Variants in ENOX1 observed in about 807,000 individuals in gnomAD.
ENOX1 encodes ecto-NOX disulfide-thiol exchanger 1.
In ENOX1, 42 loss-of-function variants were observed where a neutral mutation model predicts 82.5. The observed-to-expected ratio is 0.51, with a 90% CI of 0.40 to 0.66. The LOEUF (loss-of-function observed/expected upper bound fraction) is 0.66. Ranked by LOEUF, ENOX1 falls within the 30% of genes least tolerant of loss-of-function variation. ENOX1 has a pLI of 0.00. For synonymous variants in ENOX1, 271 were observed against 282.2 expected (o/e 0.96, Z 0.40); for missense variants, 608 against 811.6 (o/e 0.75, Z 3.05).
intron 2 of ENOX1, among the ~76,000 whole-genome samples, chr13:43,589,216 G>A (rs1365890270): frequency 1.9e-4 from 15 of 79,770 alleles, no homozygotes; most frequent in Admixed American, 4.6e-4. Context: ...GACATTAATG[G>A]AAAAAAAAAA....
chr13:43,332,655 C>G (rs2048473227), intron 9 of ENOX1, among the ~76,000 whole-genome samples: 1 of 152,172 alleles, frequency 6.6e-6, no homozygotes, highest in Non-Finnish European at 1.5e-5. Flanking sequence ...ATTTGCATCA[C>G]TCCAAGTATA....
intron 1 of ENOX1, among the ~76,000 whole-genome samples, chr13:43,679,950 A>C (rs527817932): frequency 1.6e-4 from 24 of 152,300 alleles, no homozygotes; most frequent in African/African-American, 5.5e-4. Context: ...TGACCTTTTT[A>C]TTTTCCTTGT....
At chr13:43,754,648 A>C (rs964618252) in intron 1 of ENOX1, among the ~76,000 whole-genome samples, 1 of 151,970 alleles carries the variant, frequency 6.6e-6, no homozygotes, top group Admixed American at 6.6e-5. Context: ...GCAGTGGCAC[A>C]ATCATAGCCC....
chr13:43,263,898 G>A (rs753178641), intron 14 of ENOX1, among the ~76,000 whole-genome samples: 1 of 152,176 alleles, frequency 6.6e-6, no homozygotes, highest in Non-Finnish European at 1.5e-5. Flanking sequence ...TGCTGAAGAA[G>A]GGTTTTAGGG....
At chr13:43,653,381 G>C (rs1312247886) in intron 2 of ENOX1, among the ~76,000 whole-genome samples, 1 of 152,210 alleles carries the variant, frequency 6.6e-6, no homozygotes, top group Non-Finnish European at 1.5e-5. Flanking sequence ...TCCTGGTTGA[G>C]AGTGTACTAC....
intron 2 of ENOX1, among the ~76,000 whole-genome samples, chr13:43,493,768 A>G (rs904359848): frequency 2.6e-5 from 4 of 152,208 alleles, no homozygotes; most frequent in African/African-American, 9.6e-5. Flanking sequence ...TGCCTACTGA[A>G]GCACTGAGAA....
At chr13:43,306,283 T>C (rs1228342852) in intron 11 of ENOX1, among the ~76,000 whole-genome samples, 1 of 152,222 alleles carries the variant, frequency 6.6e-6, no homozygotes, top group Non-Finnish European at 1.5e-5. Flanking sequence ...TGCTTCCTAC[T>C]GAGCCCCAAG....
intron 1 of ENOX1, among the ~76,000 whole-genome samples, chr13:43,775,330 C>T (rs981718969): frequency 3.9e-5 from 6 of 152,034 alleles, no homozygotes; most frequent in African/African-American, 1.5e-4. Context: ...TTTGTAGAGA[C>T]AGGGTCTCAC....
chr13:43,625,574 T>C (rs1302720178), intron 2 of ENOX1, among the ~76,000 whole-genome samples: 1 of 152,034 alleles, frequency 6.6e-6, no homozygotes, highest in African/African-American at 2.4e-5. Flanking sequence ...TTTAATCAAA[T>C]GATTTTTCTG....
chr13:43,439,199 G>A (rs898608586), intron 3 of ENOX1, among the ~76,000 whole-genome samples: 2 of 150,838 alleles, frequency 1.3e-5, no homozygotes, highest in Admixed American at 6.6e-5. Context: ...ACAGGCACCC[G>A]TGGGTCACAC....
At chr13:43,587,572 C>A (rs943551405) in intron 2 of ENOX1, among the ~76,000 whole-genome samples, 1 of 152,150 alleles carries the variant, frequency 6.6e-6, no homozygotes, top group African/African-American at 2.4e-5. Context: ...CAATTCCAAT[C>A]TTTATGATGG....
chr13:43,529,575 G>C (rs986399421), intron 2 of ENOX1, among the ~76,000 whole-genome samples: 7 of 152,080 alleles, frequency 4.6e-5, no homozygotes, highest in African/African-American at 1.7e-4. Flanking sequence ...AACTGCAAAA[G>C]TTATGGCCTC....
chr13:43,729,366 T>C (rs922983964), intron 1 of ENOX1, among the ~76,000 whole-genome samples: 1 of 152,174 alleles, frequency 6.6e-6, no homozygotes, highest in Non-Finnish European at 1.5e-5. Context: ...GGTAAACGTG[T>C]CTCTTGTATT....
At chr13:43,441,823 T>A (rs1295301754) in intron 3 of ENOX1, among the ~76,000 whole-genome samples, 1 of 148,780 alleles carries the variant, frequency 6.7e-6, no homozygotes, top group African/African-American at 2.5e-5. Context: ...TTTTTTTTTT[T>A]AGGAGCAAGA....
intron 2 of ENOX1, among the ~76,000 whole-genome samples, chr13:43,636,639 GA>G (rs1272918686): frequency 2.6e-5 from 4 of 151,980 alleles, no homozygotes; most frequent in African/African-American, 9.7e-5. Flanking sequence ...TAGATGTCCA[GA>G]ACATTCCACC....
At chr13:43,392,714 C>T (rs2052866930) in intron 5 of ENOX1, among the ~76,000 whole-genome samples, 1 of 152,104 alleles carries the variant, frequency 6.6e-6, no homozygotes, top group African/African-American at 2.4e-5. Flanking sequence ...AATATTAATT[C>T]AAACACCCAT....
intron 1 of ENOX1, among the ~76,000 whole-genome samples, chr13:43,704,191 A>C (rs1017214139): frequency 2.6e-5 from 4 of 152,094 alleles, no homozygotes; most frequent in Non-Finnish European, 5.9e-5. Flanking sequence ...AGAAGAAGAA[A>C]AAGTAAAACA....
At chr13:43,655,504 A>T (rs755000743) in intron 2 of ENOX1, among the ~76,000 whole-genome samples, 3 of 152,164 alleles carry the variant, frequency 2.0e-5, no homozygotes, top group Non-Finnish European at 4.4e-5. Context: ...ACTCTTCTGC[A>T]GTCATTCTTA....
chr13:43,297,474 T>C (rs1008709801), intron 12 of ENOX1, among the ~76,000 whole-genome samples: 3 of 152,174 alleles, frequency 2.0e-5, no homozygotes, highest in Admixed American at 6.5e-5. Context: ...AGAGGGATAA[T>C]TTAAAAATAC....
Sources: allele counts gnomAD v4.1 joint callset (sites outside exome capture counted in the v4.1 genomes callset), GRCh38; gene constraint gnomAD v4.1.1; transcripts MANE v1.5; gene names NCBI Gene and HGNC (gene_info 2026-07-23, HGNC 2026-07-21).